The following PDE4D variants were observed in gnomAD, a reference collection of about 807,000 sequenced individuals.
PDE4D encodes the protein 3',5'-cyclic-AMP phosphodiesterase 4D.
In PDE4D, 24 loss-of-function variants were observed where a neutral mutation model predicts 87.4. The ratio of observed to expected loss-of-function variants is 0.27; its 90% CI spans 0.20 to 0.39. PDE4D has a LOEUF of 0.39. PDE4D is among the 10% of genes least tolerant of loss of function. PDE4D has a pLI of 1.00. For missense variants in PDE4D, 714 were observed against 1,041.0 expected (o/e 0.69, Z 4.32); for synonymous variants, 384 against 383.2 (o/e 1.00, Z -0.02).
At chr5:59,450,864 C>T (rs146459966) in intron 1 of PDE4D, among the ~76,000 whole-genome samples, 1 of 152,268 alleles carries the variant, frequency 6.6e-6, no homozygotes, top group Non-Finnish European at 1.5e-5. Context: ...CAGCTTCATC[C>T]ATTTTTCCCT....
intron 2 of PDE4D, among the ~76,000 whole-genome samples, chr5:60,066,592 T>TATCACC (rs1554145400): frequency 2.7e-5 from 4 of 149,580 alleles, no homozygotes; most frequent in East Asian, 4.0e-4. Context: ...TAAAGCAAAT[T>TATCACC]ATCATCATCA....
At chr5:59,114,013 C>T (rs576531327) in intron 5 of PDE4D, among the ~76,000 whole-genome samples, 11 of 152,134 alleles carry the variant, frequency 7.2e-5, no homozygotes, top group African/African-American at 2.4e-5. Context: ...ATTATATACC[C>T]TTTTGGGGGT....
At chr5:59,128,483 TG>T (rs1212948962) in intron 5 of PDE4D, among the ~76,000 whole-genome samples, 2 of 152,120 alleles carry the variant, frequency 1.3e-5, no homozygotes, top group East Asian at 3.9e-4. Context: ...CCTAGCAGTT[TG>T]GGGGCAATTA....
At chr5:59,725,014 T>G (rs1251756530) in intron 1 of PDE4D, among the ~76,000 whole-genome samples, 2 of 152,078 alleles carry the variant, frequency 1.3e-5, no homozygotes, top group Non-Finnish European at 2.9e-5. Flanking sequence ...TCCATAAAAT[T>G]CAGGATAATA....
intron 1 of PDE4D, among the ~76,000 whole-genome samples, chr5:59,260,208 A>C (rs1761742038): frequency 6.6e-6 from 1 of 151,818 alleles, no homozygotes; most frequent in Non-Finnish European, 1.5e-5. Flanking sequence ...CTGTAAAGCA[A>C]CTATTTATTC....
intron 1 of PDE4D, among the ~76,000 whole-genome samples, chr5:60,210,623 C>T (rs1329143349): frequency 6.6e-6 from 1 of 152,100 alleles, no homozygotes; most frequent in Non-Finnish European, 1.5e-5. Context: ...CACCCCCCTC[C>T]CCAATTTTTT....
rs73758507 is a variant in PDE4D at position 59,462,642 on chromosome 5, T to C, written c.456-246674A>G. Among the ~76,000 whole-genome samples, 763 of 152,288 alleles carry C rather than the reference T, an allele frequency of 5.0e-3. 8 individuals are homozygous for C. Among genetic ancestry groups the C allele is most frequent in the African/African-American group, 0.017 (690 of 41,568 alleles). On this transcript the variant is annotated intron_variant, in intron 1 of 14. Transcript: ENST00000340635. ...GGCCCTTGCAGGTGTTTGACTTGTT[T>C]AGTCCAGCAACCAGCATGAAATCTA...
chr5:59,097,338 G>A (rs1769918279), intron 5 of PDE4D, among the ~76,000 whole-genome samples: 1 of 152,178 alleles, frequency 6.6e-6, no homozygotes, highest in Admixed American at 6.5e-5. Flanking sequence ...CCTGACGATA[G>A]TTATTGCATT....
intron 1 of PDE4D, among the ~76,000 whole-genome samples, chr5:59,546,321 G>A (rs553642099): frequency 1.2e-4 from 18 of 152,128 alleles, no homozygotes; most frequent in South Asian, 4.2e-4. Flanking sequence ...CCAAAAGTGC[G>A]TTGCGCTCAT....
At chr5:59,124,350 A>C (rs1775052799) in intron 5 of PDE4D, among the ~76,000 whole-genome samples, 1 of 152,218 alleles carries the variant, frequency 6.6e-6, no homozygotes, top group South Asian at 2.1e-4. Context: ...TAAACTGCTC[A>C]CCAGCAAGCT....
chr5:59,392,505 A>C (rs983298494), intron 1 of PDE4D, among the ~76,000 whole-genome samples: 1 of 115,452 alleles, frequency 8.7e-6, no homozygotes, highest in African/African-American at 4.7e-5. Flanking sequence ...GTGTGTGTCT[A>C]TATATATATA....
intron 5 of PDE4D, among the ~76,000 whole-genome samples, chr5:59,041,635 G>A (rs1051895960): frequency 6.6e-6 from 1 of 152,148 alleles, no homozygotes; most frequent in South Asian, 2.1e-4. Flanking sequence ...GAAGCTGGGA[G>A]TCCCCTCTGA....
intron 1 of PDE4D, among the ~76,000 whole-genome samples, chr5:59,354,228 T>C (rs1780984837): frequency 6.6e-6 from 1 of 152,184 alleles, no homozygotes; most frequent in Admixed American, 6.5e-5. Context: ...TGTTGTCCAA[T>C]GTCCAGTTCT....
chr5:60,337,351 C>CTATA (rs748923956), intron 1 of PDE4D, among the ~76,000 whole-genome samples: 3,277 of 61,882 alleles, frequency 0.053, 147 homozygotes, highest in Non-Finnish European at 0.078. Flanking sequence ...AACAAACAAA[C>CTATA]TATATATATA....
chr5:60,515,601 C>CTTTTT lies in PDE4D; in HGVS notation n.70+6445_70+6449dup, dbSNP rs954970783. On this transcript the variant is annotated intron_variant and non_coding_transcript_variant, in intron 1 of 2. Coordinates refer to the PDE4D transcript ENST00000506510. ...CTGAGCTTTCTTTCCTTTTCTTTTTCTTTTTTTTTTTTTTTTTTCTGTCAG... is the reference window on the plus strand; with the variant it reads ...CTGAGCTTTCTTTCCTTTTCTTTTTCTTTTTTTTTTTTTTTTTTTTTTTCTGTCAG... Among the ~76,000 whole-genome samples the CTTTTT allele has an allele frequency of 2.7e-3, 287 of 106,716 alleles. 10 individuals are homozygous for CTTTTT. The highest frequency in any genetic ancestry group is 8.3e-3 in the African/African-American group (259 of 31,372). The allele number at this position is 106,716 out of a possible 152,430, so 70.0% of individuals were successfully genotyped here.
Position 59,215,902 on chromosome 5 carries a change from G to A in PDE4D, c.522C>T (p.Ser174=), listed in dbSNP as rs1199750953. 32 of 1,613,074 alleles carry A rather than the reference G, an allele frequency of 2.0e-5. No individual in the cohort carries two copies. Among genetic ancestry groups the A allele is most frequent in the Middle Eastern group, 1.6e-4 (1 of 6,074 alleles). The change falls in exon 2 of 15, where the codon TCC becomes TCT. Residue 174 remains serine, a synonymous_variant. Coordinates refer to ENST00000340635, the MANE Select transcript of PDE4D (RefSeq NM_001104631.2). ...SPLDPMTSPG[S]GLILQANFVH... ...CAAAATTTGCTTGGAGAATTAGCCC[G>A]GATCCTGGGCTGGTCATGGGATCCA...
chr5:60,514,677 A>C (rs1301286423), intron 1 of PDE4D, among the ~76,000 whole-genome samples: 1 of 152,058 alleles, frequency 6.6e-6, no homozygotes, highest in Non-Finnish European at 1.5e-5. Flanking sequence ...AACAGAAGAA[A>C]ACTCTTTAAA....
intron 1 of PDE4D, among the ~76,000 whole-genome samples, chr5:59,660,424 C>G (rs1315229292): frequency 6.6e-6 from 1 of 151,910 alleles, no homozygotes; most frequent in Non-Finnish European, 1.5e-5. Context: ...TTTATTTTTT[C>G]TCTCTCAAAA....
intron 1 of PDE4D, among the ~76,000 whole-genome samples, chr5:59,748,815 A>C (rs920387692): frequency 1.2e-4 from 18 of 152,162 alleles, no homozygotes; most frequent in Admixed American, 4.6e-4. Context: ...ACAACAACAA[A>C]AAAAAGAACA....
Sources: gnomAD v4.1 joint callset for allele counts (sites outside exome capture counted in the v4.1 genomes callset) on GRCh38, gnomAD v4.1.1 for gene constraint, MANE v1.5 for transcripts, NCBI Gene and HGNC (gene_info 2026-07-23, HGNC 2026-07-21) for gene names.